The following TRIM69 variants were observed in gnomAD, a reference collection of about 807,000 sequenced individuals.
TRIM69 encodes tripartite motif containing 69.
A neutral mutation model predicts 37.7 loss-of-function variants in TRIM69; 29 were observed. The observed-to-expected ratio is 0.77, with a 90% CI of 0.57 to 1.05. TRIM69 has a LOEUF of 1.05. Ranked by LOEUF, TRIM69 falls within the 50% of genes least tolerant of loss-of-function variation. The probability of loss-of-function intolerance (pLI) is 0.00; values close to 1 mark genes in which losing one functional copy is unlikely to be tolerated. For missense variants in TRIM69, 596 were observed against 579.9 expected, an observed-to-expected ratio of 1.03 and a Z score of -0.28; for synonymous variants, 209 against 212.4, an observed-to-expected ratio of 0.98 and a Z score of 0.14.
intron 6 of TRIM69, among the ~76,000 whole-genome samples, chr15:44,762,387 T>C (rs1249338667): frequency 6.6e-6 from 1 of 152,186 alleles, no homozygotes; most frequent in African/African-American, 2.4e-5. Context: ...TGCTTGGATC[T>C]AAGGGTTTAT....
chr15:44,755,946 A>G (rs968855831), intron 2 of TRIM69, among the ~76,000 whole-genome samples: 1 of 152,250 alleles, frequency 6.6e-6, no homozygotes, highest in Admixed American at 6.5e-5. Context: ...TGCTGAGAAC[A>G]GTATATAACT....
At chr15:44,750,522 T>C (rs2087496459) in intron 1 of TRIM69, among the ~76,000 whole-genome samples, 1 of 152,124 alleles carries the variant, frequency 6.6e-6, no homozygotes, top group Non-Finnish European at 1.5e-5. Context: ...TGTTCATTTG[T>C]TGGCATACAA....
At chr15:44,745,667 A>C (rs2087391192) in intron 1 of TRIM69, among the ~76,000 whole-genome samples, 1 of 152,194 alleles carries the variant, frequency 6.6e-6, no homozygotes, top group Admixed American at 6.5e-5. Context: ...CATGAGACTG[A>C]TGTCTCACCA....
chr15:44,757,501 C>T (rs944551768), intron 3 of TRIM69: 16 of 152,024 alleles, frequency 1.1e-4, no homozygotes, highest in African/African-American at 3.9e-4. Flanking sequence ...GAAGAATGTT[C>T]TAGGAATAGA....
intron 1 of TRIM69, among the ~76,000 whole-genome samples, chr15:44,744,214 C>A (rs2087353648): frequency 6.9e-6 from 1 of 145,764 alleles, no homozygotes; most frequent in Non-Finnish European, 1.5e-5. Flanking sequence ...GGACAAAAAA[C>A]CAAACACTGC....
At position 44,754,936 on chromosome 15, in the gene TRIM69, G is replaced by A. The variant is rs2470911; in HGVS notation, c.43G>A (p.Asp15Asn). ...CCCCTCCTCCAACATCGATCCAGGCGACTATGTTGAAATGAATGATTCAAT... is the reference window on the plus strand; with the variant it reads ...CCCCTCCTCCAACATCGATCCAGGCAACTATGTTGAAATGAATGATTCAAT... ...TNPSSNIDPG[D>N]YVEMNDSITH... Residue 15 changes from aspartate to asparagine, a missense_variant, in exon 2 of 7, where the codon GAC (aspartate) becomes AAC (asparagine). By Grantham distance (23) the Asp-to-Asn change is conservative. Transcript: ENST00000329464. 0.69 allele frequency: 1,113,691 copies of A among 1,612,784 alleles called. 389,100 individuals are homozygous for A. Among genetic ancestry groups the A allele is most frequent in the Non-Finnish European group, 0.72 (844,126 of 1,179,050 alleles).
At chr15:44,747,400 C>T (rs2087431689) in intron 1 of TRIM69, among the ~76,000 whole-genome samples, 2 of 152,032 alleles carry the variant, frequency 1.3e-5, no homozygotes, top group African/African-American at 4.8e-5. Flanking sequence ...TTGCAAATAG[C>T]TGATTCAGGA....
intron 1 of TRIM69, among the ~76,000 whole-genome samples, chr15:44,744,143 C>T (rs1308875641): frequency 6.6e-6 from 1 of 151,396 alleles, no homozygotes; most frequent in Non-Finnish European, 1.5e-5. Flanking sequence ...ATGATGAGTT[C>T]ATGTCCTTTT....
At chr15:44,747,939 G>A (rs766921706) in intron 1 of TRIM69, among the ~76,000 whole-genome samples, 5 of 152,274 alleles carry the variant, frequency 3.3e-5, no homozygotes, top group East Asian at 3.9e-4. Flanking sequence ...AACTTCTAAC[G>A]AGGAATGGGC....
chr15:44,742,269 G>A (rs1173017193), intron 1 of TRIM69, among the ~76,000 whole-genome samples: 1 of 148,576 alleles, frequency 6.7e-6, no homozygotes, highest in Non-Finnish European at 1.5e-5. Flanking sequence ...ATTCAACAAC[G>A]CTTCATGCTA....
At chr15:44,736,949 A>G (rs1258978865) in intron 1 of TRIM69, among the ~76,000 whole-genome samples, 1 of 152,216 alleles carries the variant, frequency 6.6e-6, no homozygotes, top group East Asian at 1.9e-4. Flanking sequence ...GAAAAAATAA[A>G]CTATATACTA....
Position 44,762,123 on chromosome 15 carries a change from G to A in TRIM69, c.961+2251G>A, listed in dbSNP as rs571387689. ...TGGGACTACAGGTGCCCGCCACCACGCCCGGCTAATTTTTTTGCATTTTTA... is the reference window on the plus strand; with the variant it reads ...TGGGACTACAGGTGCCCGCCACCACACCCGGCTAATTTTTTTGCATTTTTA... On this transcript the variant is annotated intron_variant, in intron 6 of 6. Transcript: ENST00000329464. Among the ~76,000 whole-genome samples, 54 of 152,008 alleles carry A rather than the reference G, an allele frequency of 3.6e-4. 1 individual carries two copies. The highest frequency in any genetic ancestry group is 5.1e-4 in the Non-Finnish European group (35 of 67,970).
intron 1 of TRIM69, among the ~76,000 whole-genome samples, chr15:44,746,750 GCA>G (rs10561330): frequency 0.13 from 19,927 of 150,246 alleles, 1,474 homozygotes; most frequent in African/African-American, 0.19. Context: ...ACGTGCACGT[GCA>G]CACACACACA....
chr15:44,751,735 A>G lies in TRIM69; in HGVS notation c.7-3165A>G, dbSNP rs1359336002. 2.6e-5 allele frequency among the ~76,000 whole-genome samples: 4 copies of G among 151,976 alleles called. No homozygotes were observed. In the East Asian group the frequency reaches 7.7e-4, roughly 29 times the overall value. Reference sequence around the variant, plus strand: ...TTCACTGTATCCCATAAGTTTTGACATGCTGTGTGTTTTTGTTTATTTGTT... The same window carrying G: ...TTCACTGTATCCCATAAGTTTTGACGTGCTGTGTGTTTTTGTTTATTTGTT... On this transcript the variant is annotated intron_variant, in intron 1 of 6. Coordinates refer to ENST00000329464, the MANE Select transcript of TRIM69 (RefSeq NM_182985.5).
Position 44,755,203 on chromosome 15 carries a change from A to T in TRIM69, c.310A>T (p.Lys104Ter). Residue 104 changes from lysine to a stop codon, truncating the protein, a stop_gained, in exon 2 of 7, where the codon AAG (lysine) becomes TAG (stop). Transcript: ENST00000329464. LOFTEE classifies it high-confidence loss of function. ...ACTGGACAAGTTGGTAGAGAAGATT[A>T]AGAAGTTACCCTTACTCAAGGGCCA... is the stretch of plus-strand genomic sequence containing the variant. ...PVLDKLVEKI[K>*]KLPLLKGHPQ... is the part of the protein sequence containing the mutation. 6.2e-7 allele frequency: 1 copy of T among 1,614,222 alleles called. No homozygotes were observed.
In TRIM69 at chr15:44,767,711, G is replaced by A. The variant is rs772155024; in HGVS notation, c.1442G>A (p.Cys481Tyr). 53 of 1,613,990 alleles carry A rather than the reference G, an allele frequency of 3.3e-5. No homozygotes were observed. Among genetic ancestry groups the A allele is most frequent in the Admixed American group, 5.0e-5 (3 of 60,026 alleles). Residue 481 changes from cysteine to tyrosine, a missense_variant, in exon 7 of 7, where the codon TGC becomes TAC. Transcript: ENST00000329464. The part of the protein sequence containing the change: ...TFMEKLYPYF[C>Y]PCLNDGGENK... ...ATGGAGAAACTTTATCCCTACTTCT[G>A]CCCCTGCCTTAATGATGGTGGAGAG...
intron 1 of TRIM69, among the ~76,000 whole-genome samples, chr15:44,747,089 A>G (rs1455056675): frequency 6.6e-6 from 1 of 152,202 alleles, no homozygotes; most frequent in Non-Finnish European, 1.5e-5. Flanking sequence ...AAAGTACCCC[A>G]TCCTGTTGGC....
Position 44,759,741 on chromosome 15 carries a change from C to T in TRIM69, c.837-7C>T, listed in dbSNP as rs1230599223. On this transcript the variant is annotated splice_polypyrimidine_tract_variant and splice_region_variant and intron_variant, in intron 5 of 6. Transcript: ENST00000329464. Reference sequence around the variant, plus strand: ...GTCTAAGGATAAATGATTTATGTGCCCTGCAGCTTGGAGCAAGGAATGAAG... The same window carrying T: ...GTCTAAGGATAAATGATTTATGTGCTCTGCAGCTTGGAGCAAGGAATGAAG... 2.5e-6 allele frequency: 4 copies of T among 1,614,060 alleles called. No individual in the cohort carries two copies. Among genetic ancestry groups the T allele is most frequent in the Non-Finnish European group, 3.4e-6 (4 of 1,180,010 alleles).
chr15:44,760,675 T>G (rs1488121353), intron 6 of TRIM69, among the ~76,000 whole-genome samples: 1 of 152,062 alleles, frequency 6.6e-6, no homozygotes, highest in Admixed American at 6.6e-5. Context: ...AGGGCACAAT[T>G]TGATGAGTTC....
Sources: allele counts gnomAD v4.1 joint callset (sites outside exome capture counted in the v4.1 genomes callset), GRCh38; gene constraint gnomAD v4.1.1; transcripts MANE v1.5; gene names NCBI Gene and HGNC (gene_info 2026-07-23, HGNC 2026-07-21).